The following MTA3 variants were observed in gnomAD, a reference collection of about 807,000 sequenced individuals.
The protein encoded by MTA3 is metastasis-associated protein MTA3.
A neutral mutation model predicts 83.5 loss-of-function variants in MTA3; 34 were observed. The ratio of observed to expected loss-of-function variants is 0.41; its 90% CI spans 0.31 to 0.54. MTA3 has a LOEUF of 0.54. Ranked by LOEUF, MTA3 falls within the 20% of genes least tolerant of loss-of-function variation. MTA3 has a pLI of 0.33. For synonymous variants in MTA3, 303 were observed against 252.7 expected (o/e 1.20, Z -1.89); for missense variants, 761 against 726.4 (o/e 1.05, Z -0.55).
chr2:42,600,595 G>T (rs1682439818), intron 3 of MTA3, among the ~76,000 whole-genome samples: 1 of 151,706 alleles, frequency 6.6e-6, no homozygotes, highest in Admixed American at 6.6e-5. Context: ...AGGCTGGAGT[G>T]CAGTGGTGTG....
At chr2:42,562,600 C>T (rs1255096898) in intron 2 of MTA3, among the ~76,000 whole-genome samples, 1 of 152,220 alleles carries the variant, frequency 6.6e-6, no homozygotes, top group Non-Finnish European at 1.5e-5. Flanking sequence ...TGCCCACACT[C>T]TGCCTATTTG....
chr2:42,738,722 G>A (rs1475508767), intron 16 of MTA3, among the ~76,000 whole-genome samples: 1 of 152,182 alleles, frequency 6.6e-6, no homozygotes, highest in Non-Finnish European at 1.5e-5. Context: ...AAATATTGCT[G>A]AATTCTTTTT....
chr2:42,581,192 C>T (rs753109947), intron 3 of MTA3, among the ~76,000 whole-genome samples: 6 of 151,994 alleles, frequency 3.9e-5, no homozygotes, highest in Non-Finnish European at 7.4e-5. Context: ...AGTTCTGTCA[C>T]GTTTACAAAT....
chr2:42,571,943 G>A (rs1259502090), intron 2 of MTA3, among the ~76,000 whole-genome samples: 3 of 138,592 alleles, frequency 2.2e-5, no homozygotes, highest in East Asian at 2.2e-4. Context: ...GTGAAACTCC[G>A]TCTCAAAAAA....
intron 14 of MTA3, among the ~76,000 whole-genome samples, chr2:42,711,781 A>AGTGTGTGT (rs1328473255): frequency 3.4e-5 from 5 of 148,550 alleles, no homozygotes; most frequent in African/African-American, 1.3e-4. Flanking sequence ...GGAGAGAGAG[A>AGTGTGTGT]GAGTGTGTGT....
intron 8 of MTA3, among the ~76,000 whole-genome samples, chr2:42,663,505 A>G (rs941553001): frequency 6.6e-6 from 1 of 152,218 alleles, no homozygotes; most frequent in Admixed American, 6.5e-5. Flanking sequence ...TTATGCCTGT[A>G]GTCTCAAAAC....
intron 2 of MTA3, among the ~76,000 whole-genome samples, chr2:42,560,888 C>T (rs1223554419): frequency 6.6e-6 from 1 of 152,184 alleles, no homozygotes; most frequent in African/African-American, 2.4e-5. Context: ...GCCTGGGTGA[C>T]AGAGCGAGAC....
In MTA3 at chr2:42,656,324, T is replaced by C. The variant is rs188490230; in HGVS notation, c.602+22T>C. 8.8e-6 allele frequency: 13 copies of C among 1,480,462 alleles called. No individual in the cohort carries two copies. In the South Asian group the frequency reaches 1.3e-4, roughly 15 times the overall value. 91.7% of individuals were successfully genotyped at this position (1,480,462 alleles called of 1,614,324 possible). A position where few individuals can be genotyped will look rare whatever the true frequency, so the allele number is the denominator to read the frequency against. Reference sequence around the variant, plus strand: ...CACGGTGAGTATGAGTATGGCATTATTGAGTCAATAAATTTCTTTATATAA... The same window carrying C: ...CACGGTGAGTATGAGTATGGCATTACTGAGTCAATAAATTTCTTTATATAA... On this transcript the variant is annotated intron_variant, in intron 7 of 16. Coordinates refer to ENST00000405094, the MANE Select transcript of MTA3 (RefSeq NM_001330442.2).
intron 2 of MTA3, among the ~76,000 whole-genome samples, chr2:42,574,516 A>C (rs1460913366): frequency 6.6e-6 from 1 of 152,152 alleles, no homozygotes; most frequent in Admixed American, 6.5e-5. Context: ...GGCTCACTGC[A>C]ACCTCCTCCT....
chr2:42,737,799 A>T (rs1230556512), intron 16 of MTA3, among the ~76,000 whole-genome samples: 1 of 152,224 alleles, frequency 6.6e-6, no homozygotes, highest in Non-Finnish European at 1.5e-5. Flanking sequence ...TCTAAACTCC[A>T]AATCTAGTGT....
chr2:42,595,216 TCTC>T (rs1252665765), intron 3 of MTA3, among the ~76,000 whole-genome samples: 6 of 142,502 alleles, frequency 4.2e-5, no homozygotes, highest in Non-Finnish European at 9.0e-5. Flanking sequence ...TTCACGCCAT[TCTC>T]CTGCCTCAGC....
intron 14 of MTA3, chr2:42,712,996 C>G (rs1402999286): frequency 2.6e-5 from 4 of 152,164 alleles, no homozygotes; most frequent in African/African-American, 9.7e-5. Flanking sequence ...CAGAATCATC[C>G]AAACACCTGA....
At chr2:42,732,876 G>C (rs1224508050) in intron 16 of MTA3, among the ~76,000 whole-genome samples, 2 of 152,184 alleles carry the variant, frequency 1.3e-5, no homozygotes, top group Non-Finnish European at 2.9e-5. Context: ...CATAACAAGA[G>C]TCACCTTTGC....
chr2:42,675,646 A>G (rs750033784), intron 8 of MTA3, among the ~76,000 whole-genome samples: 4 of 152,036 alleles, frequency 2.6e-5, no homozygotes, highest in East Asian at 3.9e-4. Flanking sequence ...CTAACAATCA[A>G]TTAGTTGTTC....
At position 42,756,714 on chromosome 2, in the gene MTA3, C is replaced by A. The variant is rs1670261867; in HGVS notation, c.*3315C>A. Reference sequence around the variant, plus strand: ...CAGTTAGCAGCCCCTCCTCACCATTCCCCCCAGGAAGGCCATGTCCCAGTT... The same window carrying A: ...CAGTTAGCAGCCCCTCCTCACCATTACCCCCAGGAAGGCCATGTCCCAGTT... On this transcript the variant is annotated 3_prime_UTR_variant, in exon 17 of 17. Coordinates refer to ENST00000405094, the MANE Select transcript of MTA3 (RefSeq NM_001330442.2). 3 of 985,396 alleles carry A rather than the reference C, an allele frequency of 3.0e-6. No individual in the cohort carries two copies. Among genetic ancestry groups the A allele is most frequent in the Non-Finnish European group, 3.6e-6 (3 of 829,938 alleles). The allele number at this position is 985,396 out of a possible 1,614,324, so 61.0% of individuals were successfully genotyped here.
chr2:42,631,682 G>A (rs889732575), intron 4 of MTA3, among the ~76,000 whole-genome samples: 8 of 152,066 alleles, frequency 5.3e-5, no homozygotes, highest in African/African-American at 1.9e-4. Context: ...TAGTTATTTT[G>A]TATTATTATT....
intron 4 of MTA3, among the ~76,000 whole-genome samples, chr2:42,634,846 C>G (rs1416035615): frequency 2.0e-5 from 3 of 152,076 alleles, no homozygotes; most frequent in Non-Finnish European, 2.9e-5. Context: ...CTTTACTTCT[C>G]TCTTCCCTAT....
At chr2:42,503,139 A>G (rs1348013514) in intron 2 of MTA3, among the ~76,000 whole-genome samples, 1 of 152,220 alleles carries the variant, frequency 6.6e-6, no homozygotes, top group East Asian at 1.9e-4. Context: ...CCATAGACAG[A>G]GCAGGTGCTC....
intron 3 of MTA3, among the ~76,000 whole-genome samples, chr2:42,600,851 T>A (rs1682479092): frequency 6.6e-6 from 1 of 152,078 alleles, no homozygotes. Flanking sequence ...CAATGGTTCA[T>A]TTCTTTTACA....
Sources: allele counts gnomAD v4.1 joint callset (sites outside exome capture counted in the v4.1 genomes callset), GRCh38; gene constraint gnomAD v4.1.1; transcripts MANE v1.5; gene names NCBI Gene and HGNC (gene_info 2026-07-23, HGNC 2026-07-21).